Variants in SHC2 observed in about 807,000 individuals in gnomAD.
SHC2 encodes SHC-transforming protein 2.
In SHC2, 62 loss-of-function variants were observed where a neutral mutation model predicts 60.6. That is an observed-to-expected ratio of 1.02 (90% CI 0.83 to 1.26). SHC2 has a LOEUF of 1.26. Among genes scored for constraint, SHC2 ranks in the 50% most tolerant of loss-of-function variants. The probability of loss-of-function intolerance (pLI) is 0.00; values close to 1 mark genes in which losing one functional copy is unlikely to be tolerated. For synonymous variants in SHC2, 375 were observed against 372.4 expected, an observed-to-expected ratio of 1.01 and a Z score of -0.08; for missense variants, 873 against 822.2, an observed-to-expected ratio of 1.06 and a Z score of -0.76.
At chr19:418,831 G>A (rs1974208714) in intron 12 of SHC2, 92 bp downstream of exon 12, 4 of 1,426,504 alleles carry the variant, frequency 2.8e-6, no homozygotes, top group Middle Eastern at 1.9e-4. Flanking sequence ...TAGAGGGAAA[G>A]GCACGGCACG....
Position 419,038 on chromosome 19 carries a change from G to C in SHC2, c.1639C>G (p.Leu547Val), listed in dbSNP as rs572911013. ...ATCAGGTGGCTGATGCTCTCAAACA[G>C]CACGTCCTTCGTCCGTACCTGCGGG... Reference protein sequence around the residue: ...PEGVVRTKDVLFESISHLIDH... With the variant: ...PEGVVRTKDVVFESISHLIDH... Residue 547 changes from leucine to valine, a missense_variant, in exon 12 of 13, where the codon CTG (leucine) becomes GTG (valine). Coordinates refer to ENST00000264554, the MANE Select transcript of SHC2 (RefSeq NM_012435.3). The C allele has an allele frequency of 8.8e-6, 14 of 1,585,780 alleles. No individual in the cohort carries two copies. Among genetic ancestry groups the C allele is most frequent in the Non-Finnish European group, 1.2e-5 (14 of 1,166,278 alleles).
intron 12 of SHC2, among the ~76,000 whole-genome samples, chr19:418,717 C>T (rs539544822): frequency 1.4e-5 from 2 of 139,936 alleles, no homozygotes; most frequent in South Asian, 2.1e-4. Flanking sequence ...CAGGGAGTGA[C>T]GGCTGGTGGG....
chr19:421,626 G>C (rs765814147), intron 11 of SHC2, among the ~76,000 whole-genome samples: 13 of 152,150 alleles, frequency 8.5e-5, no homozygotes, highest in African/African-American at 2.7e-4. Flanking sequence ...TGATAAATGG[G>C]GGGGGAGAGC....
chr19:420,906 C>T (rs1368991381), intron 11 of SHC2, among the ~76,000 whole-genome samples: 1 of 151,624 alleles, frequency 6.6e-6, no homozygotes, highest in Non-Finnish European at 1.5e-5. Context: ...AAAAATTAGT[C>T]AGGCGTGGTG....
intron 11 of SHC2, 81 bp from the exon 12 acceptor site, chr19:419,137 G>A: frequency 6.9e-7 from 1 of 1,454,040 alleles, no homozygotes; most frequent in Non-Finnish European, 9.2e-7. Context: ...CTGGGGTCCT[G>A]CCGGGGAGCC....
At chr19:417,693 G>A (rs559019583) in intron 12 of SHC2, among the ~76,000 whole-genome samples, 3 of 152,338 alleles carry the variant, frequency 2.0e-5, no homozygotes, top group Non-Finnish European at 4.4e-5. Context: ...CCGAGGGGAC[G>A]CAGGCAGGGA....
Position 418,899 on chromosome 19 carries a change from C to T in SHC2, c.*5+24G>A, listed in dbSNP as rs751299159. ...AATCTGGCAAAGGAGGCAAGGCCAGCGACCCACGGCGGCAGCCACACACCT... is the reference window on the plus strand; with the variant it reads ...AATCTGGCAAAGGAGGCAAGGCCAGTGACCCACGGCGGCAGCCACACACCT... On this transcript the variant is annotated intron_variant, in intron 12 of 12. Coordinates refer to ENST00000264554, the MANE Select transcript of SHC2 (RefSeq NM_012435.3). 1.5e-5 allele frequency: 24 copies of T among 1,570,522 alleles called. 1 individual carries two copies. In the Middle Eastern group the frequency reaches 5.1e-4, roughly 33 times the overall value.
rs1263270076 is a variant in SHC2 at position 439,303 on chromosome 19, C to T, written c.540-273G>A. On this transcript the variant is annotated intron_variant, in intron 2 of 12. Coordinates refer to ENST00000264554, the MANE Select transcript of SHC2 (RefSeq NM_012435.3). ...CCCACTCCACGTGCGTCCTTGCATCCGGCAGAGGCCCGGCCCCCAGCTCTG... is the reference window on the plus strand; with the variant it reads ...CCCACTCCACGTGCGTCCTTGCATCTGGCAGAGGCCCGGCCCCCAGCTCTG... 3.0e-5 allele frequency: 16 copies of T among 531,378 alleles called. No homozygotes were observed. In the East Asian group the frequency reaches 3.1e-4, roughly 10 times the overall value. 32.9% of individuals were successfully genotyped at this position (531,378 alleles called of 1,614,324 possible).
chr19:430,517 C>A (rs956010571), intron 9 of SHC2, among the ~76,000 whole-genome samples, 167 bp downstream of exon 9: 5 of 152,198 alleles, frequency 3.3e-5, no homozygotes, highest in Admixed American at 3.3e-4. Flanking sequence ...GCAGGAAAAA[C>A]AGACACTGAT....
chr19:436,839 G>C (rs1007566812), intron 4 of SHC2, among the ~76,000 whole-genome samples, 156 bp from the exon 5 acceptor site: 2 of 152,152 alleles, frequency 1.3e-5, no homozygotes, highest in Non-Finnish European at 2.9e-5. Context: ...CCGGGTCCTG[G>C]GTCAGCCTGG....
chr19:451,106 TACCATA>T (rs1426350338), intron 1 of SHC2, among the ~76,000 whole-genome samples: 1 of 121,090 alleles, frequency 8.3e-6, no homozygotes. Flanking sequence ...TGGATGGCCA[TACCATA>T]GCCACATCAT....
intron 8 of SHC2, 133 bp downstream of exon 8, chr19:434,560 AATCATGAGTGAGTGAG>A (rs1974671261): frequency 0.64 from 346 of 544 alleles, 143 homozygotes; most frequent in African/African-American, 0.81. Context: ...GAGTAAGTGA[AATCATGAGTGAGTGAG>A]TGAGTGAGTC....
rs556597529 is a variant in SHC2 at position 438,301 on chromosome 19, G to A, written c.720+417C>T. 5.8e-4 allele frequency among the ~76,000 whole-genome samples: 89 copies of A among 152,344 alleles called. 1 individual carries two copies. The highest frequency in any genetic ancestry group is 1.9e-3 in the African/African-American group (79 of 41,566). On this transcript the variant is annotated intron_variant, in intron 4 of 12. Transcript: ENST00000264554. The surrounding 1 kb of genome is among the most constrained non-coding windows in gnomAD (Gnocchi z 5.0). ...GCCTCACAGTGCTGGGGTTACAGGC[G>A]TGAGCAACCAAGCCCGAGCCTGGTC...
At chr19:419,803 G>A (rs1293397621) in intron 11 of SHC2, 4 of 152,172 alleles carry the variant, frequency 2.6e-5, no homozygotes, top group East Asian at 3.8e-4. Flanking sequence ...CCCTCTTAGC[G>A]CTACCGAGCG....
In SHC2 at chr19:445,551, T is replaced by C. The variant is rs570122600; in HGVS notation, c.469-4619A>G. On this transcript the variant is annotated intron_variant, in intron 1 of 12. Transcript: ENST00000264554. The surrounding 1 kb of genome is among the most constrained non-coding windows in gnomAD (Gnocchi z 4.4). Reference sequence around the variant, plus strand: ...GAGTTCAAGACCAGCCTGGGCAATGTAATGAGGCCTCATCTCTACAAAAGA... The same window carrying C: ...GAGTTCAAGACCAGCCTGGGCAATGCAATGAGGCCTCATCTCTACAAAAGA... 1.6e-4 allele frequency among the ~76,000 whole-genome samples: 25 copies of C among 152,190 alleles called. No individual in the cohort carries two copies. The highest frequency in any genetic ancestry group is 5.8e-4 in the African/African-American group (24 of 41,532).
intron 1 of SHC2, among the ~76,000 whole-genome samples, chr19:451,046 T>C (rs1247296410): frequency 6.9e-6 from 1 of 145,536 alleles, no homozygotes; most frequent in Admixed American, 6.7e-5. Context: ...GGCCACATCA[T>C]ATTTCAGCGT....
rs1012552468 is a variant in SHC2, at chr19:460,946, G to GGGGGGCGCGGGGGGCGCC, written c.33_50dup (p.Ala12_Pro17dup). 4.1e-5 allele frequency: 40 copies of GGGGGGCGCGGGGGGCGCC among 984,170 alleles called. No individual in the cohort carries two copies. The highest frequency in any genetic ancestry group is 4.8e-5 in the Non-Finnish European group (40 of 829,926). The allele number at this position is 984,170 out of a possible 1,614,324, so 61.0% of individuals were successfully genotyped here. ...AGAAGGTGGTGGGCGCCTCGGGCTC[G>GGGGGGCGCGGGGGGCGCC]GGGGGCGCGGGGGGCGCCGGGGGCG... On this transcript the variant is annotated inframe_insertion, in exon 1 of 13. Transcript: ENST00000264554.
rs146762665 is a variant in SHC2, at chr19:428,832, T to C, written c.1174+1852A>G. 2.6e-3 allele frequency among the ~76,000 whole-genome samples: 395 copies of C among 150,344 alleles called. 1 individual carries two copies. Among genetic ancestry groups the C allele is most frequent in the African/African-American group, 7.3e-3 (299 of 40,880 alleles). ...CCCAACGTGCACAGAAACCTAATAC[T>C]GTGTGGATGACGCAGTACCTATACC... On this transcript the variant is annotated intron_variant, in intron 9 of 12. Coordinates refer to ENST00000264554, the MANE Select transcript of SHC2 (RefSeq NM_012435.3).
At position 438,823 on chromosome 19, in the gene SHC2, G is replaced by T; in HGVS notation, c.615C>A (p.Ala205=). The T allele has an allele frequency of 6.4e-7, 1 of 1,568,554 alleles. No individual in the cohort carries two copies. Among genetic ancestry groups the T allele is most frequent in the Non-Finnish European group, 8.6e-7 (1 of 1,157,864 alleles). The change falls in exon 4 of 13, where the codon GCC becomes GCA. Residue 205 remains alanine, a synonymous_variant. Coordinates refer to ENST00000264554, the MANE Select transcript of SHC2 (RefSeq NM_012435.3). The surrounding 1 kb of genome is among the most constrained non-coding windows in gnomAD (Gnocchi z 5.0). ...TGCTCTTGCCCAGGACGGACGCCAG[G>T]GCCTTGTTGGGGGCCTGAGTTGGGG... ...GSWKKKAPNK[A]LASVLGKSNL...
Sources: gnomAD v4.1 joint callset for allele counts (sites outside exome capture counted in the v4.1 genomes callset) on GRCh38, gnomAD v4.1.1 for gene constraint, Gnocchi (gnomAD v3.1) non-coding constraint, MANE v1.5 for transcripts, NCBI Gene and HGNC (gene_info 2026-07-23, HGNC 2026-07-21) for gene names.